MAP2: variants seen among roughly 807,000 people sequenced by gnomAD.
MAP2 encodes microtubule associated protein 2, also known as microtubule-associated protein 2.
In MAP2, 14 loss-of-function variants were observed where a neutral mutation model predicts 137.6. That is an observed-to-expected ratio of 0.10 (90% CI 0.07 to 0.16). MAP2 has a LOEUF of 0.16. Among genes scored for constraint, MAP2 ranks in the 10% least tolerant of loss-of-function variants. MAP2 has a pLI of 1.00. For synonymous variants in MAP2, 786 were observed against 782.3 expected, an observed-to-expected ratio of 1.00 and a Z score of -0.08; for missense variants, 2,088 against 2,191.5, an observed-to-expected ratio of 0.95 and a Z score of 0.94.
At chr2:209,656,422 T>C (rs1002397931) in intron 5 of MAP2, among the ~76,000 whole-genome samples, 1 of 151,868 alleles carries the variant, frequency 6.6e-6, no homozygotes, top group African/African-American at 2.4e-5. Flanking sequence ...GGTGGGAGGA[T>C]CACCTGAGCC....
At chr2:209,690,646 T>C (rs2058577018) in intron 7 of MAP2, 1 of 1,289,314 alleles carries the variant, frequency 7.8e-7, no homozygotes, top group Non-Finnish European at 1.0e-6. Context: ...AAGAGAAACC[T>C]GCTGCTCTTC....
At chr2:209,690,465 C>A in intron 7 of MAP2, 1 of 520,884 alleles carries the variant, frequency 1.9e-6, no homozygotes, top group African/African-American at 2.0e-5. Context: ...ATTTGTTCAT[C>A]CCAATGGTAA....
At chr2:209,497,427 C>T (rs1489673101) in intron 1 of MAP2, among the ~76,000 whole-genome samples, 1 of 152,152 alleles carries the variant, frequency 6.6e-6, no homozygotes, top group Non-Finnish European at 1.5e-5. Flanking sequence ...CTCCAACCTC[C>T]AGAACTGTGA....
intron 5 of MAP2, among the ~76,000 whole-genome samples, chr2:209,665,910 C>G (rs1368276585): frequency 1.3e-5 from 2 of 152,040 alleles, no homozygotes; most frequent in Non-Finnish European, 2.9e-5. Context: ...TTTTCTAAAT[C>G]TAATCATTAA....
intron 1 of MAP2, among the ~76,000 whole-genome samples, chr2:209,486,836 C>G (rs1358201932): frequency 2.0e-5 from 3 of 152,140 alleles, no homozygotes; most frequent in Non-Finnish European, 4.4e-5. Context: ...TAACTCTTGA[C>G]TAGTACAGTT....
chr2:209,572,094 A>T (rs13432745), intron 2 of MAP2, among the ~76,000 whole-genome samples: 9,905 of 152,012 alleles, frequency 0.065, 745 homozygotes, highest in South Asian at 0.23. Flanking sequence ...GTGATTTTTT[A>T]AAAAAATCAT....
chr2:209,651,394 C>G (rs1256626288), intron 4 of MAP2, among the ~76,000 whole-genome samples: 1 of 152,046 alleles, frequency 6.6e-6, no homozygotes, highest in East Asian at 1.9e-4. Flanking sequence ...TTTTCAGGCT[C>G]CTATTCCTAT....
intron 13 of MAP2, among the ~76,000 whole-genome samples, chr2:209,716,666 T>C (rs1046892417): frequency 2.0e-5 from 3 of 152,202 alleles, no homozygotes; most frequent in African/African-American, 7.2e-5. Flanking sequence ...AATATTGAAC[T>C]AGGATTTAAG....
chr2:209,603,641 G>A (rs898066795), intron 3 of MAP2, among the ~76,000 whole-genome samples: 1 of 152,146 alleles, frequency 6.6e-6, no homozygotes, highest in Non-Finnish European at 1.5e-5. Context: ...CCTGTGAGGT[G>A]TGAGATTTCT....
At position 209,481,401 on chromosome 2, in the gene MAP2, C is replaced by T. The variant is rs567155197; in HGVS notation, c.-221-26191C>T. 5.9e-5 allele frequency among the ~76,000 whole-genome samples: 9 copies of T among 152,356 alleles called. No individual in the cohort carries two copies. The East Asian group carries it at 1.3e-3, about 23-fold the overall frequency. On this transcript the variant is annotated intron_variant, in intron 1 of 15. Coordinates refer to ENST00000682079, the MANE Select transcript of MAP2 (RefSeq NM_001375505.1). ...GGGCCCAACTACTGAGCTTTCTCTA[C>T]TGACAGTAACTTCCTGTGGCTAGGA... is the stretch of plus-strand genomic sequence containing the variant.
chr2:209,434,575 C>T (rs1195498448), intron 1 of MAP2, among the ~76,000 whole-genome samples: 1 of 151,626 alleles, frequency 6.6e-6, no homozygotes, highest in Non-Finnish European at 1.5e-5. Flanking sequence ...CATGGTTACT[C>T]ATGCCTATAA....
At chr2:209,578,393 C>A (rs772954005) in intron 2 of MAP2, among the ~76,000 whole-genome samples, 3 of 150,086 alleles carry the variant, frequency 2.0e-5, no homozygotes, top group Non-Finnish European at 4.4e-5. Flanking sequence ...CAGTATAAAA[C>A]TGATGGAGGC....
At chr2:209,711,332 A>G (rs2065379104) in intron 13 of MAP2, among the ~76,000 whole-genome samples, 1 of 152,100 alleles carries the variant, frequency 6.6e-6, no homozygotes, top group Non-Finnish European at 1.5e-5. Context: ...GCTATCAGGC[A>G]CTCCTACTCA....
At chr2:209,610,437 TTG>T (rs1355304911) in intron 3 of MAP2, among the ~76,000 whole-genome samples, 1 of 152,092 alleles carries the variant, frequency 6.6e-6, no homozygotes. Flanking sequence ...AAAATGTGTA[TTG>T]TTTTTACTTT....
At chr2:209,727,432 T>C (rs1331801100) in intron 14 of MAP2, among the ~76,000 whole-genome samples, 1 of 152,218 alleles carries the variant, frequency 6.6e-6, no homozygotes, top group East Asian at 1.9e-4. Flanking sequence ...GTGACCTAGA[T>C]GTACGGAAAA....
intron 3 of MAP2, among the ~76,000 whole-genome samples, chr2:209,607,742 T>C (rs752379414): frequency 2.0e-5 from 3 of 152,230 alleles, no homozygotes; most frequent in Admixed American, 6.5e-5. Context: ...GCCTGAATAT[T>C]AATACCATGT....
chr2:209,560,117 T>C (rs2071657356), intron 2 of MAP2, among the ~76,000 whole-genome samples: 1 of 152,188 alleles, frequency 6.6e-6, no homozygotes, highest in African/African-American at 2.4e-5. Context: ...AGATACAACA[T>C]GAGTCCTTGT....
At chr2:209,553,233 G>A (rs1408216691) in intron 2 of MAP2, among the ~76,000 whole-genome samples, 6 of 151,990 alleles carry the variant, frequency 3.9e-5, no homozygotes, top group South Asian at 2.1e-4. Flanking sequence ...GGATGGTCTC[G>A]ATCTCTTGAC....
chr2:209,548,690 A>T (rs2068566413), intron 2 of MAP2, among the ~76,000 whole-genome samples: 1 of 152,164 alleles, frequency 6.6e-6, no homozygotes, highest in Non-Finnish European at 1.5e-5. Flanking sequence ...GGGAGAGACC[A>T]GGTGGAGGTA....
Sources: allele counts gnomAD v4.1 joint callset (sites outside exome capture counted in the v4.1 genomes callset), GRCh38; gene constraint gnomAD v4.1.1; transcripts MANE v1.5; gene names NCBI Gene and HGNC (gene_info 2026-07-23, HGNC 2026-07-21).